The following RASGRF1 variants were observed in gnomAD, a reference collection of about 807,000 sequenced individuals.
RASGRF1 encodes Ras protein specific guanine nucleotide releasing factor 1.
Under a neutral mutation model 138.7 loss-of-function variants are expected in RASGRF1, and 40 were observed. The ratio of observed to expected loss-of-function variants is 0.29; its 90% confidence interval spans 0.22 to 0.38. The LOEUF (loss-of-function observed/expected upper bound fraction) is 0.38. RASGRF1 is among the 10% of genes least tolerant of loss of function. RASGRF1 has a pLI of 1.00. For synonymous variants in RASGRF1, 614 were observed against 663.2 expected (o/e 0.93, Z 1.14); for missense variants, 1,108 against 1,650.4 (o/e 0.67, Z 5.69).
intron 1 of RASGRF1, among the ~76,000 whole-genome samples, chr15:79,085,940 T>C (rs1226368480): frequency 6.6e-6 from 1 of 152,226 alleles, no homozygotes; most frequent in Admixed American, 6.5e-5. Context: ...CTCACCACAC[T>C]GTCACCAAGC....
rs931310981 is a variant in RASGRF1, at chr15:79,046,405, C to G, written c.878+341G>C. Among the ~76,000 whole-genome samples the G allele has an allele frequency of 6.6e-6, 1 of 152,212 alleles. No individual in the cohort carries two copies. Among genetic ancestry groups the G allele is most frequent in the African/African-American group, 2.4e-5 (1 of 41,452 alleles). The stretch of plus-strand genomic sequence containing the variant: ...CATATTGTAGGATATTTAGCAGCAC[C>G]TCTGGCCTCTACCCATTAGATGCCA... On this transcript the variant is annotated intron_variant, in intron 5 of 26. Transcript: ENST00000558480. This position sits in a 1 kb window ranked among gnomAD's most constrained non-coding sequence, Gnocchi z 5.3.
chr15:79,028,212 GAGC>G (rs2057087859), intron 8 of RASGRF1, among the ~76,000 whole-genome samples: 1 of 152,166 alleles, frequency 6.6e-6, no homozygotes, highest in Non-Finnish European at 1.5e-5. Flanking sequence ...AAGGATATGG[GAGC>G]ACAGGAGACA....
intron 2 of RASGRF1, among the ~76,000 whole-genome samples, chr15:79,060,457 AT>A (rs2057588770): frequency 6.6e-6 from 1 of 152,150 alleles, no homozygotes; most frequent in African/African-American, 2.4e-5. Context: ...CTGCTCCTTT[AT>A]TGAGGAGGAA....
intron 26 of RASGRF1, among the ~76,000 whole-genome samples, chr15:78,963,966 T>C (rs2055595264): frequency 6.6e-6 from 1 of 152,084 alleles, no homozygotes; most frequent in Non-Finnish European, 1.5e-5. Context: ...GGAAACTGAT[T>C]AGTTTCCTCC....
intron 1 of RASGRF1, among the ~76,000 whole-genome samples, chr15:79,072,881 A>G (rs950014788): frequency 2.0e-5 from 3 of 152,228 alleles, no homozygotes; most frequent in African/African-American, 7.2e-5. Flanking sequence ...GAGACCAACC[A>G]GAGCTACCCA....
intron 2 of RASGRF1, among the ~76,000 whole-genome samples, chr15:79,063,846 T>C (rs1206600381): frequency 6.6e-6 from 1 of 152,172 alleles, no homozygotes; most frequent in Non-Finnish European, 1.5e-5. Context: ...AGGGACTCAG[T>C]TCAGCTTGGA....
intron 10 of RASGRF1, 79 bp downstream of exon 10, chr15:79,025,235 C>A: frequency 6.9e-7 from 1 of 1,456,686 alleles, no homozygotes; most frequent in South Asian, 1.5e-5. Context: ...ACCACCTGGG[C>A]CCATAGACCC....
At chr15:79,089,757 C>G (rs1459273174) in intron 1 of RASGRF1, among the ~76,000 whole-genome samples, 2 of 152,390 alleles carry the variant, frequency 1.3e-5, no homozygotes, top group East Asian at 1.9e-4. Context: ...TGGCAGCGCT[C>G]GGACGCCTCC....
At chr15:79,069,553 C>A (rs182676359) in intron 1 of RASGRF1, among the ~76,000 whole-genome samples, 137 of 152,338 alleles carry the variant, frequency 9.0e-4, no homozygotes, top group African/African-American at 3.1e-3. Context: ...CTTTATCCTG[C>A]TTTCCAGCCA....
At chr15:79,053,378 A>G (rs1005390039) in intron 3 of RASGRF1, among the ~76,000 whole-genome samples, 16 of 152,250 alleles carry the variant, frequency 1.1e-4, no homozygotes, top group Non-Finnish European at 2.4e-4. Context: ...TCCCGTTCCA[A>G]TAAAATATTA....
At position 79,003,822 on chromosome 15, in the gene RASGRF1, G is replaced by C; in HGVS notation, c.2429C>G (p.Pro810Arg). ...GDTTPEKPED[P>R]SALSKQSSEV... ...CTCACTCTGCTTGCTGAGCGCTGAA[G>C]GGTCTTCGGGCTTCTCAGGGGTCGT... The change falls in exon 15 of 27, where the codon CCT (proline) becomes CGT (arginine). Residue 810 changes from proline to arginine, a missense_variant. Pro to Arg is a moderately radical substitution (Grantham distance 103, BLOSUM62 -2). This residue lies in a region of RASGRF1 where 686 missense variants were observed against 976.7 expected (regional missense o/e 0.70). Transcript: ENST00000558480. The C allele has an allele frequency of 6.2e-7, 1 of 1,605,278 alleles. No individual in the cohort carries two copies. Among genetic ancestry groups the C allele is most frequent in the Non-Finnish European group, 8.5e-7 (1 of 1,175,444 alleles).
intron 26 of RASGRF1, among the ~76,000 whole-genome samples, chr15:78,963,834 T>G (rs1567410815): frequency 6.6e-6 from 1 of 152,180 alleles, no homozygotes; most frequent in Non-Finnish European, 1.5e-5. Context: ...CTACACCCAG[T>G]GATAAAGACA....
At chr15:79,051,464 T>TAC (rs372645045) in intron 3 of RASGRF1, among the ~76,000 whole-genome samples, 23,162 of 151,032 alleles carry the variant, frequency 0.15, 1,993 homozygotes, top group African/African-American at 0.24. Context: ...CACGCAAGCG[T>TAC]ACACACACAC....
chr15:79,025,231 T>G, intron 10 of RASGRF1, 83 bp downstream of exon 10: 2 of 1,439,546 alleles, frequency 1.4e-6, no homozygotes, highest in South Asian at 3.0e-5. Context: ...GCCCACCACC[T>G]GGGCCCATAG....
At position 79,015,510 on chromosome 15, in the gene RASGRF1, T is replaced by C. The variant is rs1595904940; in HGVS notation, c.1744-101A>G. ...GTAAAGTTCACATGCCTCAGTCTGA[T>C]ACAGGGTCCTCAAGCTTCAAGGGCA... On this transcript the variant is annotated intron_variant, in intron 12 of 26. Transcript: ENST00000558480. The C allele has an allele frequency of 6.6e-6, 7 of 1,057,728 alleles. No individual in the cohort carries two copies. The Admixed American group carries it at 1.1e-4, about 17-fold the overall frequency. 65.5% of individuals were successfully genotyped at this position (1,057,728 alleles called of 1,614,324 possible).
At chr15:79,035,865 C>T (rs549423695) in intron 5 of RASGRF1, among the ~76,000 whole-genome samples, 2 of 152,292 alleles carry the variant, frequency 1.3e-5, no homozygotes, top group South Asian at 2.1e-4. Context: ...ACCCAGTGAC[C>T]GCCCCCGCTG....
intron 4 of RASGRF1, 105 bp downstream of exon 4, chr15:79,049,391 G>T: frequency 9.7e-7 from 1 of 1,031,358 alleles, no homozygotes; most frequent in Non-Finnish European, 1.5e-6. Flanking sequence ...GGGATGGGGG[G>T]CACGCTCTGA....
At chr15:79,079,480 A>G (rs1010147254) in intron 1 of RASGRF1, among the ~76,000 whole-genome samples, 1 of 151,066 alleles carries the variant, frequency 6.6e-6, no homozygotes, top group African/African-American at 2.4e-5. Context: ...AAATGATAGC[A>G]TGTCCACACC....
chr15:79,019,413 A>G (rs993721646), intron 11 of RASGRF1, among the ~76,000 whole-genome samples: 1 of 152,108 alleles, frequency 6.6e-6, no homozygotes, highest in African/African-American at 2.4e-5. Context: ...TCACAGCACC[A>G]AGGACTCTGC....
Sources: allele counts gnomAD v4.1 joint callset (sites outside exome capture counted in the v4.1 genomes callset), GRCh38; gene constraint gnomAD v4.1.1; regional missense constraint gnomAD v4.1.1; non-coding constraint Gnocchi (gnomAD v3.1); transcripts MANE v1.5; gene names NCBI Gene and HGNC (gene_info 2026-07-23, HGNC 2026-07-21).